The following HECW2 variants were observed in gnomAD, a reference collection of about 807,000 sequenced individuals.
HECW2 encodes the protein HECT, C2 and WW domain containing E3 ubiquitin protein ligase 2.
In HECW2, 61 loss-of-function variants were observed where a neutral mutation model predicts 175.2. The observed-to-expected ratio is 0.35, with a 90% CI of 0.28 to 0.43. HECW2 has a LOEUF of 0.43. Ranked by LOEUF, HECW2 falls within the 20% of genes least tolerant of loss-of-function variation. The pLI is 1.00. For missense variants in HECW2, 1,524 were observed against 2,000.5 expected (o/e 0.76, Z 4.54); for synonymous variants, 671 against 731.0 (o/e 0.92, Z 1.32).
At chr2:196,529,146 G>C (rs1333286639) in intron 1 of HECW2, among the ~76,000 whole-genome samples, 1 of 152,184 alleles carries the variant, frequency 6.6e-6, no homozygotes, top group Non-Finnish European at 1.5e-5. Context: ...GAATGTTCTG[G>C]TATTCCAGAG....
In HECW2 at chr2:196,278,133, A is replaced by ATAT. The variant is rs1553489735; in HGVS notation, c.3135+394_3135+395insATA. Among the ~76,000 whole-genome samples the ATAT allele has an allele frequency of 9.2e-3, 610 of 66,436 alleles. 112 individuals are homozygous for ATAT. The highest frequency in any genetic ancestry group is 0.034 in the East Asian group (33 of 966). The allele number at this position is 66,436 out of a possible 152,430, so 43.6% of individuals were successfully genotyped here. ...CCTAGAACTTAAAGTATAATTAAAAAATATATATATATATATATAAAGAAA... is the reference window on the plus strand; with the variant it reads ...CCTAGAACTTAAAGTATAATTAAAAATATATATATATATATATATATAAAGAAA... On this transcript the variant is annotated intron_variant, in intron 15 of 28. Transcript: ENST00000644978.
At chr2:196,312,899 T>G (rs1004251248) in intron 10 of HECW2, among the ~76,000 whole-genome samples, 8 of 152,216 alleles carry the variant, frequency 5.3e-5, no homozygotes, top group African/African-American at 1.9e-4. Context: ...TAATTATACT[T>G]TTCAGATTCA....
At chr2:196,357,299 T>C (rs1693407968) in intron 2 of HECW2, among the ~76,000 whole-genome samples, 1 of 148,126 alleles carries the variant, frequency 6.8e-6, no homozygotes, top group African/African-American at 2.6e-5. Flanking sequence ...TCTCGCACTC[T>C]TCAGTTTGAC....
chr2:196,212,623 T>C (rs1263033293), intron 28 of HECW2, among the ~76,000 whole-genome samples: 1 of 152,208 alleles, frequency 6.6e-6, no homozygotes, highest in Non-Finnish European at 1.5e-5. Context: ...TGATTCTGTG[T>C]CTTTGCTATT....
intron 28 of HECW2, among the ~76,000 whole-genome samples, chr2:196,202,769 T>C (rs931425503): frequency 1.3e-5 from 2 of 152,180 alleles, no homozygotes; most frequent in Admixed American, 6.5e-5. Flanking sequence ...ATCTGTTATA[T>C]TGTAAGAATA....
At chr2:196,591,922 A>G (rs1320174182) in intron 1 of HECW2, among the ~76,000 whole-genome samples, 3 of 152,230 alleles carry the variant, frequency 2.0e-5, no homozygotes, top group Non-Finnish European at 4.4e-5. Flanking sequence ...CATTTTAAAG[A>G]TAACCTCTTG....
intron 14 of HECW2, 125 bp from the exon 15 acceptor site, chr2:196,278,787 C>A: frequency 8.8e-7 from 1 of 1,137,360 alleles, no homozygotes; most frequent in Non-Finnish European, 1.3e-6. Context: ...TCATAATTTT[C>A]AATCTTTGGG....
chr2:196,508,992 A>C (rs866488148), intron 1 of HECW2, among the ~76,000 whole-genome samples: 11 of 152,142 alleles, frequency 7.2e-5, no homozygotes, highest in Non-Finnish European at 8.8e-5. Flanking sequence ...GGCATGAACC[A>C]GGGAAGCAGA....
intron 2 of HECW2, among the ~76,000 whole-genome samples, chr2:196,428,864 T>C (rs1308374890): frequency 2.0e-5 from 3 of 152,214 alleles, no homozygotes; most frequent in African/African-American, 7.2e-5. Flanking sequence ...TAGGAACAAC[T>C]GCAGGTACAA....
At chr2:196,307,518 A>C (rs989899834) in intron 11 of HECW2, among the ~76,000 whole-genome samples, 8 of 152,126 alleles carry the variant, frequency 5.3e-5, no homozygotes, top group East Asian at 1.9e-4. Context: ...AGGAAAAAAA[A>C]CTTTATGTTC....
At chr2:196,283,036 G>A (rs374050074) in intron 14 of HECW2, among the ~76,000 whole-genome samples, 9 of 151,968 alleles carry the variant, frequency 5.9e-5, no homozygotes, top group African/African-American at 9.7e-5. Context: ...CAAGGCAGGC[G>A]GATCATGAGG....
intron 28 of HECW2, among the ~76,000 whole-genome samples, chr2:196,211,484 T>C (rs968208470): frequency 5.5e-4 from 83 of 152,282 alleles, no homozygotes; most frequent in African/African-American, 1.9e-3. Context: ...TACATCCTTA[T>C]TTATCATCTG....
intron 24 of HECW2, 106 bp from the exon 25 acceptor site, chr2:196,221,047 C>A: frequency 8.2e-7 from 1 of 1,214,870 alleles, no homozygotes; most frequent in Non-Finnish European, 1.2e-6. Context: ...CCCAGCCCTG[C>A]CCTAGGCACA....
intron 1 of HECW2, among the ~76,000 whole-genome samples, chr2:196,491,225 G>T (rs1687172282): frequency 6.6e-6 from 1 of 152,106 alleles, no homozygotes; most frequent in Admixed American, 6.5e-5. Flanking sequence ...GTTGGCGGGT[G>T]CAGTGGCTCA....
In HECW2 at chr2:196,554,283, G is replaced by T. The variant is rs185803905; in HGVS notation, c.-36+39225C>A. 3.3e-5 allele frequency among the ~76,000 whole-genome samples: 5 copies of T among 151,520 alleles called. No homozygotes were observed. In the East Asian group the frequency reaches 9.7e-4, roughly 29 times the overall value. The stretch of plus-strand genomic sequence containing the variant: ...GGAGCTTGCAGTGAGCGGAGATCGC[G>T]CCACAGCACTCCCGCCTGGGCGACA... On this transcript the variant is annotated intron_variant, in intron 1 of 28. Transcript: ENST00000644978.
intron 2 of HECW2, among the ~76,000 whole-genome samples, chr2:196,423,074 T>C (rs1695448353): frequency 6.6e-6 from 1 of 152,150 alleles, no homozygotes; most frequent in African/African-American, 2.4e-5. Context: ...AAGTGGCCCA[T>C]TGTGTCACTT....
At chr2:196,231,895 AG>A (rs1411869967) in intron 21 of HECW2, among the ~76,000 whole-genome samples, 3 of 146,830 alleles carry the variant, frequency 2.0e-5, no homozygotes, top group Admixed American at 2.0e-4. Context: ...AGGCTGAGGC[AG>A]GAGAATGGCG....
intron 1 of HECW2, among the ~76,000 whole-genome samples, chr2:196,495,157 T>C (rs536662455): frequency 6.6e-6 from 1 of 151,708 alleles, no homozygotes; most frequent in African/African-American, 2.4e-5. Context: ...AACCTCCACC[T>C]CCCAGGTTCA....
intron 1 of HECW2, among the ~76,000 whole-genome samples, chr2:196,526,661 G>A (rs1256533973): frequency 1.4e-5 from 2 of 141,920 alleles, no homozygotes; most frequent in Non-Finnish European, 3.0e-5. Flanking sequence ...TTTTCGGTGT[G>A]GATGTCCTTT....
Sources: gnomAD v4.1 joint callset for allele counts (sites outside exome capture counted in the v4.1 genomes callset) on GRCh38, gnomAD v4.1.1 for gene constraint, MANE v1.5 for transcripts, NCBI Gene and HGNC (gene_info 2026-07-23, HGNC 2026-07-21) for gene names.